The following HSD17B11 variants were observed in gnomAD, a reference collection of about 807,000 sequenced individuals.
HSD17B11 encodes the protein hydroxysteroid 17-beta dehydrogenase 11, also known as estradiol 17-beta-dehydrogenase 11.
In HSD17B11, 22 loss-of-function variants were observed where a neutral mutation model predicts 27.8. That is an observed-to-expected ratio of 0.79 (90% confidence interval 0.56 to 1.13). HSD17B11 has a LOEUF of 1.13. HSD17B11 is among the 50% of genes most tolerant of loss of function. The pLI is 0.00. For missense variants in HSD17B11, 314 were observed against 351.1 expected (o/e 0.89, Z 0.84); for synonymous variants, 117 against 132.8 (o/e 0.88, Z 0.82).
chr4:87,369,373 T>C (rs1735666547), intron 4 of HSD17B11, among the ~76,000 whole-genome samples: 1 of 152,194 alleles, frequency 6.6e-6, no homozygotes, highest in Non-Finnish European at 1.5e-5. Flanking sequence ...GTCTAAATTA[T>C]TCAGATGTCT....
chr4:87,346,859 G>C (rs2110114416), intron 5 of HSD17B11, among the ~76,000 whole-genome samples: 1 of 151,910 alleles, frequency 6.6e-6, no homozygotes, highest in East Asian at 1.9e-4. Flanking sequence ...GCAAGACCTT[G>C]TCTCTAAAAG....
At chr4:87,354,170 C>T (rs561723568) in intron 5 of HSD17B11, among the ~76,000 whole-genome samples, 1 of 152,192 alleles carries the variant, frequency 6.6e-6, no homozygotes, top group East Asian at 1.9e-4. Flanking sequence ...TTCTGTCTAA[C>T]GTTGGCTTTC....
Position 87,391,114 on chromosome 4 carries a change from TACCAC to T in HSD17B11, c.-49_-45del. Reference sequence around the variant, plus strand: ...CGTTTGGTGTGTTTTTTTTTTTTTTTACCACTCTAAACTGCTTTTAGAGGGTAGCT... The same window carrying T: ...CGTTTGGTGTGTTTTTTTTTTTTTTTTCTAAACTGCTTTTAGAGGGTAGCT... On this transcript the variant is annotated 5_prime_UTR_variant, in exon 1 of 7. Transcript: ENST00000358290. 1 of 1,399,944 alleles carries T rather than the reference TACCAC, an allele frequency of 7.1e-7. No homozygotes were observed. The highest frequency in any genetic ancestry group is 9.8e-7 in the Non-Finnish European group (1 of 1,020,874). The allele number at this position is 1,399,944 out of a possible 1,614,324, so 86.7% of individuals were successfully genotyped here.
intron 1 of HSD17B11, chr4:87,385,653 C>T (rs935189412): frequency 2.6e-5 from 4 of 152,092 alleles, no homozygotes; most frequent in Non-Finnish European, 2.9e-5. Context: ...CGGTGGCTTA[C>T]ACCTGTAATC....
At chr4:87,357,485 A>AT (rs1229377695) in intron 4 of HSD17B11, 69 bp from the exon 5 acceptor site, 1 of 1,475,160 alleles carries the variant, frequency 6.8e-7, no homozygotes, top group Non-Finnish European at 9.2e-7. Context: ...TCAGTTCAGC[A>AT]TGGTCCTCTG....
At chr4:87,378,913 TA>T (rs1720032242) in intron 2 of HSD17B11, among the ~76,000 whole-genome samples, 1 of 13,860 alleles carries the variant, frequency 7.2e-5, no homozygotes, top group East Asian at 2.0e-3. Context: ...TAAATATATA[TA>T]TATAAATATA....
At chr4:87,354,009 T>A (rs1175276856) in intron 5 of HSD17B11, among the ~76,000 whole-genome samples, 1 of 152,170 alleles carries the variant, frequency 6.6e-6, no homozygotes, top group Non-Finnish European at 1.5e-5. Context: ...CAATTAGGGT[T>A]CTCTTGTTTA....
At chr4:87,381,569 G>A (rs1235288749) in intron 2 of HSD17B11, among the ~76,000 whole-genome samples, 2 of 151,744 alleles carry the variant, frequency 1.3e-5, no homozygotes, top group African/African-American at 2.4e-5. Context: ...ATCAGCCTGG[G>A]CAACATGGTG....
chr4:87,370,898 G>T (rs550191512), intron 4 of HSD17B11, among the ~76,000 whole-genome samples: 1 of 123,246 alleles, frequency 8.1e-6, no homozygotes, highest in Non-Finnish European at 1.6e-5. Flanking sequence ...GACTACAGGC[G>T]CCCGCTACCA....
At position 87,337,237 on chromosome 4, in the gene HSD17B11, A is replaced by C. The variant is rs1237371527; in HGVS notation, c.*39T>G. The C allele has an allele frequency of 8.0e-6, 10 of 1,257,774 alleles. No individual in the cohort carries two copies. Among genetic ancestry groups the C allele is most frequent in the East Asian group, 7.0e-5 (3 of 43,098 alleles). The allele number at this position is 1,257,774 out of a possible 1,614,324, so 77.9% of individuals were successfully genotyped here. ...ATTCTGGCACTATTAGATGACATCA[A>C]CCTAAACCTGGTAAATCAGTTTTCA... On this transcript the variant is annotated 3_prime_UTR_variant, in exon 7 of 7. Transcript: ENST00000358290.
rs1326568426 is a variant in HSD17B11 at position 87,357,264 on chromosome 4, A to G, written c.695+15T>C. 7 of 1,608,054 alleles carry G rather than the reference A, an allele frequency of 4.4e-6. No individual in the cohort carries two copies. Among genetic ancestry groups the G allele is most frequent in the Non-Finnish European group, 5.9e-6 (7 of 1,178,120 alleles). On this transcript the variant is annotated intron_variant, in intron 5 of 6. Coordinates refer to ENST00000358290, the MANE Select transcript of HSD17B11 (RefSeq NM_016245.5). ...TAGCAACCACCAATCCTTTTGTCTCAATTTCTCAACTTACCTTGTACTTGG... is the reference window on the plus strand; with the variant it reads ...TAGCAACCACCAATCCTTTTGTCTCGATTTCTCAACTTACCTTGTACTTGG...
chr4:87,346,719 A>G (rs908619537), intron 5 of HSD17B11, among the ~76,000 whole-genome samples: 5 of 152,136 alleles, frequency 3.3e-5, no homozygotes, highest in Non-Finnish European at 7.4e-5. Flanking sequence ...TCATATTAAT[A>G]TAACATGGAA....
intron 5 of HSD17B11, among the ~76,000 whole-genome samples, chr4:87,354,256 A>G (rs976652401): frequency 6.6e-6 from 1 of 152,030 alleles, no homozygotes; most frequent in African/African-American, 2.4e-5. Context: ...TCAGCTGTCA[A>G]GAGTTCGAGA....
At chr4:87,344,443 T>G (rs1735230106) in intron 5 of HSD17B11, among the ~76,000 whole-genome samples, 1 of 152,142 alleles carries the variant, frequency 6.6e-6, no homozygotes, top group African/African-American at 2.4e-5. Flanking sequence ...GAAAAAAACA[T>G]TTAACTAAAA....
intron 4 of HSD17B11, among the ~76,000 whole-genome samples, chr4:87,357,778 T>A (rs1735413661): frequency 6.6e-6 from 1 of 152,138 alleles, no homozygotes; most frequent in Non-Finnish European, 1.5e-5. Flanking sequence ...CCATAGAATT[T>A]GCTGAAAACT....
At chr4:87,390,837 G>A (rs1720438444) in intron 1 of HSD17B11, 24 bp downstream of exon 1, 4 of 1,599,158 alleles carry the variant, frequency 2.5e-6, no homozygotes, top group Middle Eastern at 1.7e-4. Context: ...GTACCAGAAA[G>A]TAAAACATAG....
At chr4:87,373,876 G>A (rs1186271045) in intron 3 of HSD17B11, among the ~76,000 whole-genome samples, 1 of 151,898 alleles carries the variant, frequency 6.6e-6, no homozygotes, top group African/African-American at 2.4e-5. Context: ...AAAACTTTGA[G>A]GGGCCTTTTT....
chr4:87,339,646 C>T (rs1735127267), intron 6 of HSD17B11, among the ~76,000 whole-genome samples: 1 of 152,180 alleles, frequency 6.6e-6, no homozygotes, highest in Admixed American at 6.5e-5. Context: ...CATTGCCACA[C>T]AGCTTTCCCA....
chr4:87,340,469 G>T, intron 6 of HSD17B11, 21 bp downstream of exon 6: 1 of 1,430,470 alleles, frequency 7.0e-7, no homozygotes, highest in Admixed American at 2.0e-5. Flanking sequence ...TCATTTCTAA[G>T]GTTTCTTAAC....
Sources: gnomAD v4.1 joint callset for allele counts (sites outside exome capture counted in the v4.1 genomes callset) on GRCh38, gnomAD v4.1.1 for gene constraint, MANE v1.5 for transcripts, NCBI Gene and HGNC (gene_info 2026-07-23, HGNC 2026-07-21) for gene names.